The following NAE1 variants were observed in gnomAD, a reference collection of about 807,000 sequenced individuals.
The protein encoded by NAE1 is NEDD8-activating enzyme E1 regulatory subunit.
In NAE1, 59 loss-of-function variants were observed where a neutral mutation model predicts 88.0. The ratio of observed to expected loss-of-function variants is 0.67; its 90% CI spans 0.54 to 0.83. The LOEUF (loss-of-function observed/expected upper bound fraction) is 0.83. Ranked by LOEUF, NAE1 falls within the 40% of genes least tolerant of loss-of-function variation. NAE1 has a pLI of 0.00. For missense variants in NAE1, 554 were observed against 632.8 expected (o/e 0.88, Z 1.34); for synonymous variants, 186 against 208.9 (o/e 0.89, Z 0.95).
intron 3 of NAE1, 113 bp downstream of exon 3, chr16:66,826,410 A>T: frequency 1.0e-6 from 1 of 998,002 alleles, no homozygotes; most frequent in South Asian, 1.5e-5. Context: ...CCATAATCCC[A>T]AACATAAGGA....
chr16:66,827,858 G>GT, intron 1 of NAE1: 1 of 777,266 alleles, frequency 1.3e-6, no homozygotes, highest in Non-Finnish European at 2.1e-6. Context: ...CTTGTTTTTT[G>GT]TTTTTGTTTT....
chr16:66,830,230 G>T (rs1960639451), intron 1 of NAE1, among the ~76,000 whole-genome samples: 1 of 151,524 alleles, frequency 6.6e-6, no homozygotes, highest in African/African-American at 2.4e-5. Context: ...ACCAGCTTGG[G>T]GAAAGGTGGC....
intron 19 of NAE1, among the ~76,000 whole-genome samples, chr16:66,805,011 G>A (rs978818671): frequency 2.0e-5 from 3 of 152,202 alleles, no homozygotes; most frequent in Non-Finnish European, 4.4e-5. Context: ...GGGAAGTAGA[G>A]TGAGGGAGGG....
In NAE1 at chr16:66,805,901, A is replaced by G. The variant is rs745306545; in HGVS notation, c.1445+11T>C. On this transcript the variant is annotated intron_variant, in intron 18 of 19. Coordinates refer to ENST00000290810, the MANE Select transcript of NAE1 (RefSeq NM_003905.4). ...TGGAATCATCTCCTAGATACCCTAAAAAATACTCACAATTCGTGGACATAA... is the reference window on the plus strand; with the variant it reads ...TGGAATCATCTCCTAGATACCCTAAGAAATACTCACAATTCGTGGACATAA... 1.0e-5 allele frequency: 16 copies of G among 1,607,666 alleles called. No homozygotes were observed. In the South Asian group the frequency reaches 1.7e-4, roughly 17 times the overall value.
intron 13 of NAE1, among the ~76,000 whole-genome samples, chr16:66,812,893 G>A (rs1959872648): frequency 6.8e-6 from 1 of 147,132 alleles, no homozygotes; most frequent in Non-Finnish European, 1.5e-5. Context: ...TGCGATCTCC[G>A]CTCACTGCAA....
chr16:66,824,983 C>T, intron 3 of NAE1, 98 bp from the exon 4 acceptor site: 2 of 995,780 alleles, frequency 2.0e-6, no homozygotes, highest in Non-Finnish European at 2.9e-6. Flanking sequence ...CAGTATAAAA[C>T]AAACTATATT....
chr16:66,810,248 TTATC>T, intron 15 of NAE1, 122 bp downstream of exon 15: 1 of 721,536 alleles, frequency 1.4e-6, no homozygotes, highest in Non-Finnish European at 2.4e-6. Context: ...TACCCAATAA[TTATC>T]TATATCTATA....
chr16:66,815,293 T>C (rs1180549390), intron 11 of NAE1, among the ~76,000 whole-genome samples: 1 of 152,184 alleles, frequency 6.6e-6, no homozygotes, highest in African/African-American at 2.4e-5. Context: ...TATATACATA[T>C]TTTTAACCAT....
intron 19 of NAE1, 66 bp from the exon 20 acceptor site, chr16:66,803,184 C>T (rs374572433): frequency 2.7e-6 from 3 of 1,105,702 alleles, no homozygotes; most frequent in Non-Finnish European, 4.0e-6. Flanking sequence ...ATACTCAATT[C>T]TGTAAAGAAA....
At position 66,817,027 on chromosome 16, in the gene NAE1, G is replaced by A. The variant is rs1182984601; in HGVS notation, c.686C>T (p.Thr229Ile). 1 of 1,581,700 alleles carries A rather than the reference G, an allele frequency of 6.3e-7. No homozygotes were observed. The highest frequency in any genetic ancestry group is 1.4e-5 in the African/African-American group (1 of 72,806). Reference protein sequence around the residue: ...AKYLAQWYSETNGRIPKTYKE... With the variant: ...AKYLAQWYSEINGRIPKTYKE... ...ATACGTTTTAGGTATTCGTCCATTT[G>A]TCTAAATTGGTTAAAAATTTTAAAA... is the stretch of plus-strand genomic sequence containing the variant. Residue 229 changes from threonine (T) to isoleucine (I), a missense_variant and splice_region_variant, in exon 10 of 20, where the codon ACA becomes ATA. Coordinates refer to ENST00000290810, the MANE Select transcript of NAE1 (RefSeq NM_003905.4).
At chr16:66,823,447 C>A in intron 5 of NAE1, 82 bp downstream of exon 5, 2 of 1,411,248 alleles carry the variant, frequency 1.4e-6, no homozygotes, top group South Asian at 1.3e-5. Context: ...CACAAAGATT[C>A]AAAATTCTAA....
chr16:66,824,811 C>A, intron 4 of NAE1, 44 bp downstream of exon 4: 2 of 1,534,634 alleles, frequency 1.3e-6, no homozygotes, highest in Non-Finnish European at 1.8e-6. Context: ...AACACAGGGG[C>A]ATCATTAGAT....
chr16:66,806,086 CTTTA>C (rs1959550833), intron 17 of NAE1, 60 bp from the exon 18 acceptor site: 5 of 1,496,116 alleles, frequency 3.3e-6, no homozygotes, highest in African/African-American at 1.4e-5. Flanking sequence ...TGGCCAACTC[CTTTA>C]TTTAATCTAG....
intron 3 of NAE1, 135 bp from the exon 4 acceptor site, chr16:66,825,020 T>C (rs1022163789): frequency 8.0e-6 from 4 of 500,872 alleles, no homozygotes; most frequent in Non-Finnish European, 1.3e-5. Flanking sequence ...ATGGCCTTCC[T>C]GGAGGAAGAA....
In NAE1 at chr16:66,826,516, A is replaced by G; in HGVS notation, c.218+7T>C. ...ACGTGAATATATTTGAAGAGAATAG[A>G]ACATACTTGTTTCCAGCATCTTCTC... On this transcript the variant is annotated splice_region_variant and intron_variant, in intron 3 of 19. Transcript: ENST00000290810. The G allele has an allele frequency of 6.2e-7, 1 of 1,613,914 alleles. No individual in the cohort carries two copies. The highest frequency in any genetic ancestry group is 1.1e-5 in the South Asian group (1 of 91,084).
intron 6 of NAE1, among the ~76,000 whole-genome samples, chr16:66,822,670 A>AT (rs1254929271): frequency 7.0e-4 from 100 of 142,670 alleles, no homozygotes; most frequent in South Asian, 4.1e-3. Context: ...TTATTTATTT[A>AT]TTTATTTTTT....
chr16:66,824,946 T>C, intron 3 of NAE1, 61 bp from the exon 4 acceptor site: 1 of 1,434,870 alleles, frequency 7.0e-7, no homozygotes, highest in Non-Finnish European at 9.6e-7. Flanking sequence ...GGAAAAGTTG[T>C]TTGTAATAGC....
intron 7 of NAE1, among the ~76,000 whole-genome samples, chr16:66,819,073 T>C (rs1174351001): frequency 3.9e-5 from 6 of 152,246 alleles, no homozygotes; most frequent in Non-Finnish European, 2.9e-5. Flanking sequence ...GTTTTTTCAC[T>C]GTTTTATTAA....
rs1289878348 is a variant in NAE1 at position 66,826,520 on chromosome 16, T to C, written c.218+3A>G. 2.5e-6 allele frequency: 4 copies of C among 1,613,970 alleles called. No individual in the cohort carries two copies. Among genetic ancestry groups the C allele is most frequent in the East Asian group, 4.5e-5 (2 of 44,858 alleles). ...GAATATATTTGAAGAGAATAGAACATACTTGTTTCCAGCATCTTCTCCGCT... is the reference window on the plus strand; with the variant it reads ...GAATATATTTGAAGAGAATAGAACACACTTGTTTCCAGCATCTTCTCCGCT... On this transcript the variant is annotated splice_donor_region_variant and intron_variant, in intron 3 of 19. Transcript: ENST00000290810.
Sources: allele counts gnomAD v4.1 joint callset (sites outside exome capture counted in the v4.1 genomes callset), GRCh38; gene constraint gnomAD v4.1.1; transcripts MANE v1.5; gene names NCBI Gene and HGNC (gene_info 2026-07-23, HGNC 2026-07-21).